Variants in TIAM1 observed in about 807,000 individuals in gnomAD.
The protein encoded by TIAM1 is TIAM Rac1 associated GEF 1.
In TIAM1, 65 loss-of-function variants were observed where a neutral mutation model predicts 163.5. The ratio of observed to expected loss-of-function variants is 0.40; its 90% CI spans 0.33 to 0.49. TIAM1 has a LOEUF of 0.49. TIAM1 is among the 20% of genes least tolerant of loss of function. The pLI, the probability that TIAM1 is intolerant of heterozygous loss-of-function variation, is 0.77. For synonymous variants in TIAM1, 833 were observed against 810.1 expected, an observed-to-expected ratio of 1.03 and a Z score of -0.48; for missense variants, 1,789 against 2,044.7, an observed-to-expected ratio of 0.87 and a Z score of 2.41.
At chr21:31,449,377 TTTTA>T (rs1241382759) in intron 2 of TIAM1, among the ~76,000 whole-genome samples, 1 of 151,838 alleles carries the variant, frequency 6.6e-6, no homozygotes, top group South Asian at 2.1e-4. Context: ...TTGTTTCTTA[TTTTA>T]TTTATTTATT....
intron 2 of TIAM1, chr21:31,463,950 G>A (rs2045429116): frequency 6.6e-6 from 1 of 152,140 alleles, no homozygotes; most frequent in Admixed American, 6.6e-5. Flanking sequence ...CAAAGCACAT[G>A]ACAGGGCGTA....
intron 2 of TIAM1, among the ~76,000 whole-genome samples, chr21:31,393,359 C>T (rs546592501): frequency 2.6e-5 from 4 of 152,314 alleles, no homozygotes; most frequent in Admixed American, 6.5e-5. Flanking sequence ...ACGAATGCAA[C>T]AGGCTGTCCA....
chr21:31,319,671 T>G (rs546236060), intron 2 of TIAM1, among the ~76,000 whole-genome samples: 1 of 150,340 alleles, frequency 6.7e-6, no homozygotes, highest in South Asian at 2.1e-4. Context: ...TCCCAGCTAC[T>G]CGGGAGGCTG....
chr21:31,504,819 TA>T (rs1397401016), intron 1 of TIAM1, among the ~76,000 whole-genome samples: 19 of 151,640 alleles, frequency 1.3e-4, no homozygotes, highest in Non-Finnish European at 1.8e-4. Flanking sequence ...CCACTGTTAC[TA>T]AAAAAAAGAA....
chr21:31,169,124 T>A (rs1345385975), intron 15 of TIAM1, among the ~76,000 whole-genome samples: 1 of 152,026 alleles, frequency 6.6e-6, no homozygotes, highest in Non-Finnish European at 1.5e-5. Context: ...TGAAATGCCA[T>A]CTCTACTAAA....
intron 2 of TIAM1, among the ~76,000 whole-genome samples, chr21:31,460,568 G>A (rs1218974969): frequency 6.6e-6 from 1 of 152,218 alleles, no homozygotes; most frequent in African/African-American, 2.4e-5. Context: ...AGAGGTTGCA[G>A]TGAGCCAAGA....
intron 2 of TIAM1, among the ~76,000 whole-genome samples, chr21:31,296,589 CTGAAGAAGAAACAAAATGAGTCTTCTTAT>C (rs2074275008): frequency 6.6e-6 from 1 of 152,148 alleles, no homozygotes; most frequent in Admixed American, 6.5e-5. Context: ...AAATCCCTGG[CTGAAGAAGAAACAAAATGAGTCTTCTTAT>C]CAGGGGAGTC....
At chr21:31,461,887 G>A (rs565401596) in intron 2 of TIAM1, among the ~76,000 whole-genome samples, 3 of 152,122 alleles carry the variant, frequency 2.0e-5, no homozygotes, top group East Asian at 3.9e-4. Flanking sequence ...GGCTGGTCTC[G>A]AACTCCTGGG....
chr21:31,220,671 G>C (rs1214794544), intron 8 of TIAM1, among the ~76,000 whole-genome samples: 1 of 152,154 alleles, frequency 6.6e-6, no homozygotes, highest in African/African-American at 2.4e-5. Context: ...ATTCTAAATT[G>C]CTTGGGGCCT....
chr21:31,358,680 C>A (rs888313987), intron 2 of TIAM1, among the ~76,000 whole-genome samples: 1 of 152,080 alleles, frequency 6.6e-6, no homozygotes, highest in Non-Finnish European at 1.5e-5. Context: ...CAATCCAAAT[C>A]TCTTCTCACC....
At chr21:31,488,346 C>T (rs529255909) in intron 1 of TIAM1, among the ~76,000 whole-genome samples, 50 of 152,232 alleles carry the variant, frequency 3.3e-4, no homozygotes, top group Admixed American at 3.0e-3. Context: ...CCAGGCAGTC[C>T]GACCCCAGTC....
rs1053634887 is a variant in TIAM1, at chr21:31,213,533, G to C, written c.2143-61C>G. On this transcript the variant is annotated intron_variant, in intron 9 of 27. Transcript: ENST00000541036. Reference sequence around the variant, plus strand: ...TGGGCAACAGGGCAAACGAAACGTAGGAAGGGGGAAGGAAATGGGCATGGC... The same window carrying C: ...TGGGCAACAGGGCAAACGAAACGTACGAAGGGGGAAGGAAATGGGCATGGC... 29 of 1,432,806 alleles carry C rather than the reference G, an allele frequency of 2.0e-5. No homozygotes were observed. In the African/African-American group the frequency reaches 3.9e-4, roughly 19 times the overall value. The allele number at this position is 1,432,806 out of a possible 1,614,324, so 88.8% of individuals were successfully genotyped here.
At chr21:31,417,523 G>T (rs1415591936) in intron 2 of TIAM1, among the ~76,000 whole-genome samples, 1 of 152,054 alleles carries the variant, frequency 6.6e-6, no homozygotes, top group Non-Finnish European at 1.5e-5. Context: ...AGAACAGTAC[G>T]GGGGAAACCA....
chr21:31,342,435 C>G (rs1339443160), intron 1 of TIAM1, among the ~76,000 whole-genome samples: 2 of 152,122 alleles, frequency 1.3e-5, no homozygotes, highest in African/African-American at 4.8e-5. Context: ...TAGCATTAAC[C>G]CCAATTTCAA....
intron 4 of TIAM1, among the ~76,000 whole-genome samples, chr21:31,261,161 G>T (rs73193715): frequency 7.2e-5 from 11 of 151,920 alleles, no homozygotes; most frequent in Admixed American, 5.2e-4. Context: ...GAAAGCAGCC[G>T]TGAGGGATGG....
chr21:31,401,131 A>C (rs147910736), intron 2 of TIAM1, among the ~76,000 whole-genome samples: 15 of 152,312 alleles, frequency 9.8e-5, no homozygotes, highest in Non-Finnish European at 2.2e-4. Flanking sequence ...GCATTTTTTA[A>C]GTCGAAGTTA....
chr21:31,248,872 G>T (rs2071642527), intron 5 of TIAM1, among the ~76,000 whole-genome samples: 1 of 152,064 alleles, frequency 6.6e-6, no homozygotes, highest in Non-Finnish European at 1.5e-5. Flanking sequence ...GGGCCTGTGG[G>T]CTGTGCTCCT....
At chr21:31,425,347 T>C (rs887421697) in intron 2 of TIAM1, among the ~76,000 whole-genome samples, 1 of 152,030 alleles carries the variant, frequency 6.6e-6, no homozygotes, top group Non-Finnish European at 1.5e-5. Context: ...AGTACACAGA[T>C]CAATAAAATG....
intron 1 of TIAM1, among the ~76,000 whole-genome samples, chr21:31,481,083 G>A (rs1018551799): frequency 1.3e-5 from 2 of 152,126 alleles, no homozygotes; most frequent in African/African-American, 4.8e-5. Context: ...TACAGTCCTA[G>A]AGGCTGGTAG....
Sources: allele counts gnomAD v4.1 joint callset (sites outside exome capture counted in the v4.1 genomes callset), GRCh38; gene constraint gnomAD v4.1.1; transcripts MANE v1.5; gene names NCBI Gene and HGNC (gene_info 2026-07-23, HGNC 2026-07-21).